The following ABR variants were observed in gnomAD, a reference collection of about 807,000 sequenced individuals.
ABR encodes the protein active breakpoint cluster region-related protein.
ABR carries 35 observed loss-of-function variants against 107.2 expected under a neutral mutation model. The observed-to-expected ratio is 0.33, with a 90% CI of 0.25 to 0.43. The LOEUF is 0.43. Ranked by LOEUF, ABR falls within the 20% of genes least tolerant of loss-of-function variation. The probability of loss-of-function intolerance (pLI) is 1.00; values close to 1 mark genes in which losing one functional copy is unlikely to be tolerated. For missense variants in ABR, 815 were observed against 1,115.2 expected, an observed-to-expected ratio of 0.73 and a Z score of 3.83; for synonymous variants, 498 against 462.0, an observed-to-expected ratio of 1.08 and a Z score of -1.00.
Position 1,091,788 on chromosome 17 carries a change from G to C in ABR, c.408C>G (p.Ile136Met). ...TSQPVLTIQQ[I>M]ETIFYKIQDI... is the part of the protein sequence containing the mutation. Reference sequence around the variant, plus strand: ...CCTGGATCTTGTAGAAGATGGTCTCGATCTGCTGGATGGTGAGCACGGGCT... The same window carrying C: ...CCTGGATCTTGTAGAAGATGGTCTCCATCTGCTGGATGGTGAGCACGGGCT... Residue 136 changes from isoleucine (I) to methionine (M), a missense_variant, in exon 4 of 23, where the codon ATC becomes ATG. Ile to Met is a conservative substitution (Grantham distance 10). Around this residue, in one of 5 missense-constraint regions of ABR, gnomAD observed 385 missense variants for 596.9 expected, o/e 0.64. Coordinates refer to ENST00000302538, the MANE Select transcript of ABR (RefSeq NM_021962.5). 1.2e-6 allele frequency: 2 copies of C among 1,614,148 alleles called. No homozygotes were observed. Among genetic ancestry groups the C allele is most frequent in the Non-Finnish European group, 1.7e-6 (2 of 1,180,010 alleles).
chr17:1,011,029 G>T lies in ABR; in HGVS notation c.2102-166C>A. ...ACAGGTGTCTGTGACTCGGCTCTGTGGGTCGGGGTTGGGGGAACAGGGAGA... is the reference window on the plus strand; with the variant it reads ...ACAGGTGTCTGTGACTCGGCTCTGTTGGTCGGGGTTGGGGGAACAGGGAGA... On this transcript the variant is annotated intron_variant, in intron 19 of 22. Coordinates refer to ENST00000302538, the MANE Select transcript of ABR (RefSeq NM_021962.5). The surrounding 1 kb of genome is among the most constrained non-coding windows in gnomAD (Gnocchi z 4.8). 1 of 872,122 alleles carries T rather than the reference G, an allele frequency of 1.1e-6. No individual in the cohort carries two copies. The highest frequency in any genetic ancestry group is 1.7e-6 in the Non-Finnish European group (1 of 573,508). 54.0% of individuals were successfully genotyped at this position (872,122 alleles called of 1,614,324 possible).
chr17:1,132,731 T>A (rs1353828803), intron 1 of ABR, among the ~76,000 whole-genome samples: 1 of 152,084 alleles, frequency 6.6e-6, no homozygotes, highest in Admixed American at 6.5e-5. Flanking sequence ...ACTTTCTAAA[T>A]GTGTAAGGGA....
At chr17:1,096,521 C>T (rs1456654214) in intron 3 of ABR, among the ~76,000 whole-genome samples, 1 of 152,188 alleles carries the variant, frequency 6.6e-6, no homozygotes, top group African/African-American at 2.4e-5. Context: ...TTCTTTCACT[C>T]TGAGGTTTTC....
chr17:1,182,613 G>T (rs189856646), upstream of ABR, among the ~76,000 whole-genome samples: 17 of 152,196 alleles, frequency 1.1e-4, no homozygotes, highest in African/African-American at 4.1e-4. Context: ...TGATCCGCCC[G>T]CCTCGGCCTC....
At chr17:1,173,632 G>A (rs1042167225) in intron 1 of ABR, among the ~76,000 whole-genome samples, 1 of 152,146 alleles carries the variant, frequency 6.6e-6, no homozygotes, top group Non-Finnish European at 1.5e-5. Context: ...GGACGGGCCA[G>A]CTGACAGGTT....
chr17:1,093,022 T>C (rs775896052), intron 3 of ABR, among the ~76,000 whole-genome samples: 2 of 151,868 alleles, frequency 1.3e-5, no homozygotes, highest in Non-Finnish European at 2.9e-5. Context: ...GGGGTTTCAC[T>C]GTGTTAGCCA....
At chr17:1,085,520 A>G (rs2036540195) in intron 4 of ABR, among the ~76,000 whole-genome samples, 1 of 152,222 alleles carries the variant, frequency 6.6e-6, no homozygotes, top group Non-Finnish European at 1.5e-5. Flanking sequence ...GCCTATTTTC[A>G]GTTGAACTAA....
chr17:1,023,281 CA>C (rs1416213192), intron 16 of ABR, among the ~76,000 whole-genome samples: 1 of 152,262 alleles, frequency 6.6e-6, no homozygotes, highest in Non-Finnish European at 1.5e-5. Flanking sequence ...TGAGGAGAAG[CA>C]GACAAAATCC....
chr17:1,203,014 G>A (rs1232031612), intron 1 of ABR, among the ~76,000 whole-genome samples: 1 of 151,534 alleles, frequency 6.6e-6, no homozygotes, highest in Non-Finnish European at 1.5e-5. Context: ...AGCCTCCCAA[G>A]TAGGTGGGAT....
intron 14 of ABR, among the ~76,000 whole-genome samples, chr17:1,053,530 A>G (rs2440041): frequency 0.098 from 14,883 of 152,122 alleles, 842 homozygotes; most frequent in South Asian, 0.2. Flanking sequence ...TTCTCTCCCC[A>G]GGTTCCTGTC....
intron 1 of ABR, among the ~76,000 whole-genome samples, chr17:1,139,836 T>C (rs1190331577): frequency 6.6e-6 from 1 of 151,640 alleles, no homozygotes; most frequent in Non-Finnish European, 1.5e-5. Flanking sequence ...CCCTGAGGGG[T>C]TCATATGGAA....
At chr17:1,109,152 GGA>G in intron 2 of ABR, 7 of 1,457,026 alleles carry the variant, frequency 4.8e-6, no homozygotes, top group Middle Eastern at 2.5e-4. Flanking sequence ...GAGGCGGGCG[GGA>G]GGGGGGGCAG....
intron 2 of ABR, among the ~76,000 whole-genome samples, chr17:1,107,176 C>A (rs1490805788): frequency 6.6e-6 from 1 of 152,214 alleles, no homozygotes; most frequent in African/African-American, 2.4e-5. Context: ...GACACCATCC[C>A]GGTGCTCACG....
Position 1,073,633 on chromosome 17 carries a change from C to T in ABR, c.745G>A (p.Val249Ile). ...GGAGGCTTGACACTCACGTGTAGGA[C>T]TAGGGTGCTCCGAGTGACCCGGTCA... ...PIDRVTRSTL[V>I]LHDLLKHTPV... The change falls in exon 7 of 23, where the codon GTC becomes ATC. Residue 249 changes from valine to isoleucine, a missense_variant. Physicochemically the swap from Val to Ile is conservative, Grantham distance 29. Coordinates refer to ENST00000302538, the MANE Select transcript of ABR (RefSeq NM_021962.5). 6.2e-7 allele frequency: 1 copy of T among 1,601,738 alleles called. No homozygotes were observed. Among genetic ancestry groups the T allele is most frequent in the Non-Finnish European group, 8.5e-7 (1 of 1,172,770 alleles).
chr17:1,048,733 CGT>C (rs2032039871), intron 16 of ABR, among the ~76,000 whole-genome samples: 1 of 149,720 alleles, frequency 6.7e-6, no homozygotes, highest in African/African-American at 2.5e-5. Flanking sequence ...GCCTGGATCA[CGT>C]CCGGGGCCAC....
chr17:1,012,452 G>C (rs772161442), intron 18 of ABR: 1 of 693,326 alleles, frequency 1.4e-6, no homozygotes. Context: ...AGGAGCAGAC[G>C]ATCTGGGATC....
At chr17:1,127,267 C>T (rs1369303864) in intron 1 of ABR, among the ~76,000 whole-genome samples, 2 of 151,248 alleles carry the variant, frequency 1.3e-5, no homozygotes, top group South Asian at 4.1e-4. Context: ...CACCACACAC[C>T]CGGGCAGGAC....
chr17:1,078,022 C>T lies in ABR; in HGVS notation c.700+1308G>A, dbSNP rs1227630473. On this transcript the variant is annotated intron_variant, in intron 6 of 22. Coordinates refer to ENST00000302538, the MANE Select transcript of ABR (RefSeq NM_021962.5). This position sits in a 1 kb window ranked among gnomAD's most constrained non-coding sequence, Gnocchi z 7.5. The stretch of plus-strand genomic sequence containing the variant: ...CCGACAGTCGTGTTGATGACATGCA[C>T]CTGTCCCGGGACTTCCCCCCAGCCC... Among the ~76,000 whole-genome samples, 1 of 70,314 alleles carries T rather than the reference C, an allele frequency of 1.4e-5. No individual in the cohort carries two copies. The highest frequency in any genetic ancestry group is 2.6e-5 in the Non-Finnish European group (1 of 38,064). 46.1% of individuals were successfully genotyped at this position (70,314 alleles called of 152,430 possible).
intron 16 of ABR, among the ~76,000 whole-genome samples, chr17:1,049,242 A>G (rs2151021459): frequency 6.6e-6 from 1 of 152,224 alleles, no homozygotes; most frequent in South Asian, 2.1e-4. Context: ...ATCTCAGCTC[A>G]CTGCAACCTC....
Sources: gnomAD v4.1 joint callset for allele counts (sites outside exome capture counted in the v4.1 genomes callset) on GRCh38, gnomAD v4.1.1 for gene constraint, gnomAD v4.1.1 regional missense constraint, Gnocchi (gnomAD v3.1) non-coding constraint, MANE v1.5 for transcripts, NCBI Gene and HGNC (gene_info 2026-07-23, HGNC 2026-07-21) for gene names.